Variants in LOXHD1 observed in about 807,000 individuals in gnomAD.
The protein encoded by LOXHD1 is lipoxygenase homology PLAT domains 1, also known as lipoxygenase homology domain-containing protein 1.
A neutral mutation model predicts 248.2 loss-of-function variants in LOXHD1; 205 were observed. The observed-to-expected ratio is 0.83, with a 90% CI of 0.74 to 0.93. The LOEUF (loss-of-function observed/expected upper bound fraction) is 0.93, where lower values mean the gene tolerates loss of function less well. Ranked by LOEUF, LOXHD1 falls within the 40% of genes least tolerant of loss-of-function variation. The pLI is 0.00. For synonymous variants in LOXHD1, 1,113 were observed against 1,162.8 expected (o/e 0.96, Z 0.87); for missense variants, 2,930 against 2,971.6 (o/e 0.99, Z 0.33).
chr18:46,497,391 T>C (rs1244481700), intron 37 of LOXHD1, among the ~76,000 whole-genome samples: 3 of 152,186 alleles, frequency 2.0e-5, no homozygotes, highest in Non-Finnish European at 4.4e-5. Flanking sequence ...AATTGGCTGA[T>C]TGGAGTCACG....
chr18:46,508,675 G>T (rs2034745646), intron 35 of LOXHD1, among the ~76,000 whole-genome samples: 1 of 152,240 alleles, frequency 6.6e-6, no homozygotes, highest in Non-Finnish European at 1.5e-5. Flanking sequence ...CAACACACAA[G>T]TTCGCATGCC....
At chr18:46,630,729 C>T (rs1453535370) in intron 4 of LOXHD1, among the ~76,000 whole-genome samples, 1 of 151,670 alleles carries the variant, frequency 6.6e-6, no homozygotes, top group Non-Finnish European at 1.5e-5. Context: ...GCACTGTGTC[C>T]TGTGAATGTC....
chr18:46,503,783 G>A (rs2034387110), intron 37 of LOXHD1, among the ~76,000 whole-genome samples: 1 of 152,176 alleles, frequency 6.6e-6, no homozygotes, highest in African/African-American at 2.4e-5. Flanking sequence ...GACTAACCCG[G>A]ATACACCCTG....
chr18:46,653,477 A>G (rs1435172142), intron 1 of LOXHD1, among the ~76,000 whole-genome samples: 1 of 152,260 alleles, frequency 6.6e-6, no homozygotes, highest in African/African-American at 2.4e-5. Flanking sequence ...GAAAAACTCA[A>G]TTCAAATAAC....
At chr18:46,573,826 G>A (rs116407461) in intron 14 of LOXHD1, among the ~76,000 whole-genome samples, 3,054 of 152,252 alleles carry the variant, frequency 0.02, 123 homozygotes, top group African/African-American at 0.068. Flanking sequence ...ACGACAACTA[G>A]GCTGTTATTT....
intron 23 of LOXHD1, among the ~76,000 whole-genome samples, chr18:46,544,040 G>A (rs979487776): frequency 4.6e-5 from 7 of 152,270 alleles, no homozygotes; most frequent in East Asian, 1.9e-4. Context: ...CAGAGTCATC[G>A]CTATGTCTTC....
chr18:46,536,800 C>G (rs533722037), intron 26 of LOXHD1, among the ~76,000 whole-genome samples: 3 of 152,312 alleles, frequency 2.0e-5, no homozygotes, highest in Admixed American at 6.5e-5. Flanking sequence ...AAGGCATCCC[C>G]CGGGATAGAG....
intron 6 of LOXHD1, among the ~76,000 whole-genome samples, chr18:46,610,385 C>G (rs1253911250): frequency 6.7e-6 from 1 of 150,080 alleles, no homozygotes; most frequent in Non-Finnish European, 1.5e-5. Flanking sequence ...GAACATCACA[C>G]ACCGGGGCCT....
chr18:46,526,718 G>A (rs2144193256), intron 29 of LOXHD1, among the ~76,000 whole-genome samples: 1 of 152,332 alleles, frequency 6.6e-6, no homozygotes, highest in East Asian at 1.9e-4. Flanking sequence ...TTTTGGACAG[G>A]TTAACTGAGG....
chr18:46,653,297 G>A (rs768891139), intron 1 of LOXHD1, among the ~76,000 whole-genome samples: 9 of 152,140 alleles, frequency 5.9e-5, no homozygotes, highest in South Asian at 2.1e-4. Context: ...TGACAGAATC[G>A]GGAGATTTGT....
At chr18:46,577,126 T>C (rs1022400566) in intron 14 of LOXHD1, among the ~76,000 whole-genome samples, 1 of 152,210 alleles carries the variant, frequency 6.6e-6, no homozygotes, top group Non-Finnish European at 1.5e-5. Flanking sequence ...CCACATAAAA[T>C]GTGGAGAGCC....
At chr18:46,523,283 G>A (rs1288326634) in intron 31 of LOXHD1, among the ~76,000 whole-genome samples, 1 of 152,164 alleles carries the variant, frequency 6.6e-6, no homozygotes, top group African/African-American at 2.4e-5. Flanking sequence ...TCAACTGGGA[G>A]GAGTACTCTT....
At chr18:46,576,788 T>C (rs1201206307) in intron 14 of LOXHD1, among the ~76,000 whole-genome samples, 1 of 152,138 alleles carries the variant, frequency 6.6e-6, no homozygotes, top group Non-Finnish European at 1.5e-5. Flanking sequence ...CCTGGGTTGG[T>C]GGGGTGCTAA....
chr18:46,563,330 T>C, intron 17 of LOXHD1, 105 bp from the exon 18 acceptor site: 1 of 1,136,294 alleles, frequency 8.8e-7, no homozygotes, highest in Non-Finnish European at 1.2e-6. Flanking sequence ...TGCCTGGCGC[T>C]TTACAGTCAT....
In LOXHD1 at chr18:46,493,806, G is replaced by A. The variant is rs1040561369; in HGVS notation, c.5879-4664C>T. 3.3e-5 allele frequency among the ~76,000 whole-genome samples: 5 copies of A among 152,164 alleles called. No individual in the cohort carries two copies. The East Asian group carries it at 5.8e-4, about 18-fold the overall frequency. Reference sequence around the variant, plus strand: ...AGTTTAACATGCCATCTCTGCCTGCGGTTCCCCAGTGGCTTTCCACATCTG... The same window carrying A: ...AGTTTAACATGCCATCTCTGCCTGCAGTTCCCCAGTGGCTTTCCACATCTG... On this transcript the variant is annotated intron_variant, in intron 37 of 40. Transcript: ENST00000642948.
intron 14 of LOXHD1, 28 bp from the exon 15 acceptor site, chr18:46,572,190 T>C: frequency 2.6e-6 from 4 of 1,542,732 alleles, no homozygotes; most frequent in Middle Eastern, 1.7e-4. Context: ...GAATGTTAGC[T>C]CTTTGGGTGG....
intron 34 of LOXHD1, among the ~76,000 whole-genome samples, chr18:46,516,223 T>G (rs1178853796): frequency 6.6e-6 from 1 of 152,178 alleles, no homozygotes; most frequent in African/African-American, 2.4e-5. Context: ...CTCAGGCATC[T>G]TACTGGTGGA....
At position 46,559,572 on chromosome 18, in the gene LOXHD1, C is replaced by T. The variant is rs1196645388; in HGVS notation, c.3092G>A (p.Gly1031Glu). 8 of 1,551,842 alleles carry T rather than the reference C, an allele frequency of 5.2e-6. No individual in the cohort carries two copies. Among genetic ancestry groups the T allele is most frequent in the Non-Finnish European group, 7.0e-6 (8 of 1,147,014 alleles). Residue 1031 changes from glycine to glutamate, a missense_variant, in exon 20 of 41, where the codon GGG becomes GAG. Physicochemically the swap from Gly to Glu is moderately conservative, Grantham distance 98. Transcript: ENST00000642948. ...ATCAGTGCCGGCCTTGGGCACATTC[C>T]CCGTGACCACCTGAACCTCATAGGT... ...RNTYEVQVVT[G>E]NVPKAGTDAN...
At chr18:46,607,862 AAG>A (rs1365627060) in intron 6 of LOXHD1, among the ~76,000 whole-genome samples, 1 of 152,122 alleles carries the variant, frequency 6.6e-6, no homozygotes, top group Non-Finnish European at 1.5e-5. Flanking sequence ...TGTCCTGAGA[AAG>A]AGACCAGAAC....
Sources: allele counts gnomAD v4.1 joint callset (sites outside exome capture counted in the v4.1 genomes callset), GRCh38; gene constraint gnomAD v4.1.1; transcripts MANE v1.5; gene names NCBI Gene and HGNC (gene_info 2026-07-23, HGNC 2026-07-21).